ATP8A2: variants seen among roughly 807,000 people sequenced by gnomAD.
ATP8A2 encodes ATPase phospholipid transporting 8A2.
A neutral mutation model predicts 165.6 loss-of-function variants in ATP8A2; 100 were observed. The ratio of observed to expected loss-of-function variants is 0.60; its 90% CI spans 0.51 to 0.71. The LOEUF is 0.71. Among genes scored for constraint, ATP8A2 ranks in the 30% least tolerant of loss-of-function variants. ATP8A2 has a pLI of 0.00. For synonymous variants in ATP8A2, 543 were observed against 548.8 expected, an observed-to-expected ratio of 0.99 and a Z score of 0.15; for missense variants, 1,227 against 1,479.5, an observed-to-expected ratio of 0.83 and a Z score of 2.80.
intron 24 of ATP8A2, among the ~76,000 whole-genome samples, chr13:25,607,046 G>T (rs1366727431): frequency 6.6e-6 from 1 of 152,130 alleles, no homozygotes; most frequent in Non-Finnish European, 1.5e-5. Context: ...TGTCAGATCA[G>T]CAGTGGCATT....
intron 33 of ATP8A2, among the ~76,000 whole-genome samples, chr13:25,925,489 C>T (rs111536213): frequency 0.039 from 1,925 of 48,780 alleles, 49 homozygotes; most frequent in African/African-American, 0.096. Context: ...GAGTTGAGAT[C>T]GCGCCACTTA....
intron 24 of ATP8A2, among the ~76,000 whole-genome samples, chr13:25,692,161 A>AAAAGCATTGAATGT (rs1394964352): frequency 1.3e-5 from 2 of 152,212 alleles, no homozygotes; most frequent in Non-Finnish European, 2.9e-5. Context: ...GAGGGGAAGA[A>AAAAGCATTGAATGT]AAAGCATTGA....
Position 25,579,047 on chromosome 13 carries a change from C to T in ATP8A2, c.1867+148C>T, listed in dbSNP as rs867428118. The T allele has an allele frequency of 1.9e-4, 122 of 654,270 alleles. No homozygotes were observed. In the Middle Eastern group the frequency reaches 7.2e-3, roughly 38 times the overall value. The allele number at this position is 654,270 out of a possible 1,614,324, so 40.5% of individuals were successfully genotyped here. ...GACAAGATGCATAGCCAAATCCAAA[C>T]TCATTTACCTGTAGATGCCTCTGTC... On this transcript the variant is annotated intron_variant, in intron 21 of 36. Transcript: ENST00000381655.
chr13:25,786,233 A>G (rs185077549), intron 27 of ATP8A2, among the ~76,000 whole-genome samples: 1 of 152,200 alleles, frequency 6.6e-6, no homozygotes, highest in African/African-American at 2.4e-5. Context: ...CTAACGATAC[A>G]TCTGAGCTGC....
chr13:25,675,979 A>G (rs1252056180), intron 24 of ATP8A2, among the ~76,000 whole-genome samples: 2 of 152,198 alleles, frequency 1.3e-5, no homozygotes, highest in African/African-American at 4.8e-5. Flanking sequence ...GGAGACCCCA[A>G]ATATCCTGAC....
intron 33 of ATP8A2, among the ~76,000 whole-genome samples, chr13:25,906,895 A>G (rs886122801): frequency 6.6e-6 from 1 of 152,208 alleles, no homozygotes. Flanking sequence ...AAACAGATAG[A>G]AAAGACTCAC....
intron 13 of ATP8A2, among the ~76,000 whole-genome samples, chr13:25,558,716 A>G (rs949768655): frequency 2.0e-5 from 3 of 152,238 alleles, no homozygotes; most frequent in African/African-American, 7.2e-5. Context: ...TCAGTAGCAC[A>G]TCATTCAGTC....
chr13:25,886,039 ATGT>A (rs1953139941), intron 33 of ATP8A2, among the ~76,000 whole-genome samples: 1 of 152,204 alleles, frequency 6.6e-6, no homozygotes, highest in Non-Finnish European at 1.5e-5. Context: ...CAAGAGGCAG[ATGT>A]TGTACTTCTG....
At chr13:25,382,985 G>GTATTTTT (rs2032903730) in intron 1 of ATP8A2, among the ~76,000 whole-genome samples, 1 of 147,994 alleles carries the variant, frequency 6.8e-6, no homozygotes, top group Admixed American at 6.8e-5. Context: ...TCCATCTCCT[G>GTATTTTT]ACTTCGTGAT....
intron 24 of ATP8A2, among the ~76,000 whole-genome samples, chr13:25,619,922 G>A (rs553043551): frequency 1.6e-3 from 250 of 152,244 alleles, no homozygotes; most frequent in Non-Finnish European, 3.0e-3. Context: ...ACGGGCCGTA[G>A]TTTACTGACC....
chr13:25,559,124 T>G (rs2039068138), intron 14 of ATP8A2, 63 bp downstream of exon 14: 1 of 1,106,280 alleles, frequency 9.0e-7, no homozygotes. Context: ...AAGTTTATTT[T>G]TAGCTACTTA....
chr13:25,966,906 GGATAGGGAGA>G (rs1165182565), intron 34 of ATP8A2, among the ~76,000 whole-genome samples: 1 of 152,206 alleles, frequency 6.6e-6, no homozygotes, highest in Non-Finnish European at 1.5e-5. Context: ...AGGGGAAAGG[GGATAGGGAGA>G]GAGAGGGAGG....
intron 1 of ATP8A2, among the ~76,000 whole-genome samples, chr13:25,450,584 T>G (rs1488766162): frequency 6.6e-6 from 1 of 152,110 alleles, no homozygotes; most frequent in Non-Finnish European, 1.5e-5. Flanking sequence ...CAGGCTGGAG[T>G]GCAGTGGTGT....
At chr13:25,604,798 A>T (rs1422800054) in intron 24 of ATP8A2, among the ~76,000 whole-genome samples, 1 of 152,104 alleles carries the variant, frequency 6.6e-6, no homozygotes, top group African/African-American at 2.4e-5. Context: ...ATTCCCATCC[A>T]ATGGGTTTGT....
At chr13:25,603,002 G>A (rs2040427449) in intron 24 of ATP8A2, among the ~76,000 whole-genome samples, 1 of 152,072 alleles carries the variant, frequency 6.6e-6, no homozygotes, top group Non-Finnish European at 1.5e-5. Flanking sequence ...AACATGGGAG[G>A]TGAAGGTTGC....
At chr13:25,619,717 A>G (rs2040920994) in intron 24 of ATP8A2, among the ~76,000 whole-genome samples, 1 of 152,246 alleles carries the variant, frequency 6.6e-6, no homozygotes, top group Non-Finnish European at 1.5e-5. Context: ...GGGAAGTAGT[A>G]GGTAAATAAG....
At chr13:25,893,917 A>G (rs9507599) in intron 33 of ATP8A2, among the ~76,000 whole-genome samples, 6,690 of 152,164 alleles carry the variant, frequency 0.044, 169 homozygotes, top group Middle Eastern at 0.095. Context: ...TTTCTTGTAA[A>G]TTTGTTTGAG....
At chr13:25,711,145 A>AG (rs1042085054) in intron 25 of ATP8A2, among the ~76,000 whole-genome samples, 8 of 152,060 alleles carry the variant, frequency 5.3e-5, no homozygotes, top group Non-Finnish European at 8.8e-5. Flanking sequence ...CTGGGATTAC[A>AG]GGGGGCGTGC....
intron 24 of ATP8A2, among the ~76,000 whole-genome samples, chr13:25,648,228 A>G (rs1338308991): frequency 6.6e-6 from 1 of 152,020 alleles, no homozygotes; most frequent in Non-Finnish European, 1.5e-5. Flanking sequence ...TCCAGTTCAG[A>G]TATTGCTTCT....
Sources: gnomAD v4.1 joint callset for allele counts (sites outside exome capture counted in the v4.1 genomes callset) on GRCh38, gnomAD v4.1.1 for gene constraint, MANE v1.5 for transcripts, NCBI Gene and HGNC (gene_info 2026-07-23, HGNC 2026-07-21) for gene names.